Variants in CREB5 observed in about 807,000 individuals in gnomAD.
CREB5 encodes cAMP responsive element binding protein 5.
CREB5 carries 19 observed loss-of-function variants against 57.1 expected under a neutral mutation model. That is an observed-to-expected ratio of 0.33 (90% CI 0.23 to 0.49). CREB5 has a LOEUF of 0.49. Among genes scored for constraint, CREB5 ranks in the 20% least tolerant of loss-of-function variants. CREB5 has a pLI of 0.99. For missense variants in CREB5, 579 were observed against 671.6 expected (o/e 0.86, Z 1.52); for synonymous variants, 238 against 238.3 (o/e 1.00, Z 0.01).
intron 1 of CREB5, among the ~76,000 whole-genome samples, chr7:28,375,078 C>G (rs1786794241): frequency 1.3e-5 from 2 of 152,090 alleles, no homozygotes; most frequent in Admixed American, 6.5e-5. Context: ...TACTAAAACT[C>G]GTTGAACTCA....
chr7:28,435,920 T>C (rs1184555279), intron 1 of CREB5, among the ~76,000 whole-genome samples: 2 of 152,134 alleles, frequency 1.3e-5, no homozygotes, highest in African/African-American at 4.8e-5. Flanking sequence ...TACATATATT[T>C]ATATAAGAGG....
chr7:28,430,491 C>A (rs1404627991), intron 1 of CREB5, among the ~76,000 whole-genome samples: 3 of 152,162 alleles, frequency 2.0e-5, no homozygotes, highest in Non-Finnish European at 4.4e-5. Context: ...TGTGAAAACA[C>A]CACTTGGATT....
chr7:28,472,646 C>T (rs1790878505), intron 1 of CREB5, among the ~76,000 whole-genome samples: 1 of 152,166 alleles, frequency 6.6e-6, no homozygotes, highest in African/African-American at 2.4e-5. Context: ...AGCATCTGTT[C>T]TGTATCAGTC....
chr7:28,639,192 T>A (rs781505374), intron 5 of CREB5, among the ~76,000 whole-genome samples: 3 of 152,212 alleles, frequency 2.0e-5, no homozygotes, highest in Non-Finnish European at 2.9e-5. Context: ...GATAAATTTC[T>A]TGGCTTTAAT....
intron 1 of CREB5, among the ~76,000 whole-genome samples, chr7:28,300,011 C>T (rs1562646774): frequency 6.6e-6 from 1 of 152,020 alleles, no homozygotes; most frequent in Non-Finnish European, 1.5e-5. Context: ...TTGCCCTTTT[C>T]ATCCTGTTTT....
intron 9 of CREB5, among the ~76,000 whole-genome samples, chr7:28,815,753 C>A (rs1056983352): frequency 7.2e-5 from 11 of 152,116 alleles, no homozygotes; most frequent in Non-Finnish European, 1.5e-4. Context: ...GAAATGGAGA[C>A]TAAATTCAAC....
chr7:28,526,267 T>C lies in CREB5; in HGVS notation c.291+18530T>C, dbSNP rs1122646. Among the ~76,000 whole-genome samples the C allele has an allele frequency of 6.6e-3, 1,008 of 152,342 alleles. 7 individuals carry two copies. Among genetic ancestry groups the C allele is most frequent in the Middle Eastern group, 0.01 (3 of 294 alleles). Reference sequence around the variant, plus strand: ...AAAAGTCCAAGGGCTTCCCCAAAGTTTTGCTTTACAACCTAGGCAATGCAG... The same window carrying C: ...AAAAGTCCAAGGGCTTCCCCAAAGTCTTGCTTTACAACCTAGGCAATGCAG... On this transcript the variant is annotated intron_variant, in intron 4 of 10. Coordinates refer to ENST00000357727, the MANE Select transcript of CREB5 (RefSeq NM_182898.4).
At chr7:28,596,123 T>C (rs1008262) in intron 5 of CREB5, among the ~76,000 whole-genome samples, 36,492 of 152,050 alleles carry the variant, frequency 0.24, 4,631 homozygotes, top group East Asian at 0.38. Flanking sequence ...TCCTCAGTGA[T>C]GATATGGTGC....
At chr7:28,560,871 T>TGCACGTGCGTGTGTGCGCGTGTGC (rs1795123110) in intron 4 of CREB5, among the ~76,000 whole-genome samples, 1 of 38,006 alleles carries the variant, frequency 2.6e-5, no homozygotes, top group Non-Finnish European at 5.0e-5. Flanking sequence ...TGTGCCTGCG[T>TGCACGTGCGTGTGTGCGCGTGTGC]GCGCGTGCGT....
At chr7:28,457,470 A>G (rs558442317) in intron 1 of CREB5, among the ~76,000 whole-genome samples, 1 of 152,280 alleles carries the variant, frequency 6.6e-6, no homozygotes, top group African/African-American at 2.4e-5. Flanking sequence ...AGCTGACCTG[A>G]AAACAGTCTT....
At chr7:28,503,624 G>A (rs767908656) in intron 3 of CREB5, among the ~76,000 whole-genome samples, 2 of 152,130 alleles carry the variant, frequency 1.3e-5, no homozygotes, top group Non-Finnish European at 1.5e-5. Flanking sequence ...ATGAGGTCAT[G>A]AGATGGTCCA....
intron 4 of CREB5, among the ~76,000 whole-genome samples, chr7:28,508,146 CAA>C (rs35080261): frequency 6.6e-6 from 1 of 152,134 alleles, no homozygotes; most frequent in East Asian, 1.9e-4. Flanking sequence ...CATTCTGCAC[CAA>C]ATTCATAATT....
At chr7:28,516,312 A>C (rs1475273875) in intron 4 of CREB5, among the ~76,000 whole-genome samples, 1 of 152,176 alleles carries the variant, frequency 6.6e-6, no homozygotes, top group Non-Finnish European at 1.5e-5. Context: ...ATTGTTAAAA[A>C]TTAGAGAGAT....
rs578021502 is a variant in CREB5, at chr7:28,570,592, C to T, written c.464+55C>T. On this transcript the variant is annotated intron_variant, in intron 5 of 10. Coordinates refer to ENST00000357727, the MANE Select transcript of CREB5 (RefSeq NM_182898.4). ...TCCTGGCTGGAACTCAGGAAATGTCCTGGACTTCCTCCTGGTTTCTGGTGC... is the reference window on the plus strand; with the variant it reads ...TCCTGGCTGGAACTCAGGAAATGTCTTGGACTTCCTCCTGGTTTCTGGTGC... 2.5e-6 allele frequency: 4 copies of T among 1,569,086 alleles called. No homozygotes were observed. The African/African-American group carries it at 4.1e-5, about 16-fold the overall frequency.
chr7:28,633,223 A>G (rs866048790), intron 5 of CREB5, among the ~76,000 whole-genome samples: 2 of 152,216 alleles, frequency 1.3e-5, no homozygotes, highest in Non-Finnish European at 2.9e-5. Flanking sequence ...CTGGTTGGCT[A>G]TATAATATGT....
chr7:28,333,695 T>A (rs990884356), intron 1 of CREB5, among the ~76,000 whole-genome samples: 1 of 152,206 alleles, frequency 6.6e-6, no homozygotes, highest in African/African-American at 2.4e-5. Context: ...TTCCCTCAAG[T>A]TCCATCTATG....
At chr7:28,560,903 C>CGCGCGT (rs1795164691) in intron 4 of CREB5, among the ~76,000 whole-genome samples, 3 of 26,132 alleles carry the variant, frequency 1.1e-4, no homozygotes, top group Non-Finnish European at 2.4e-4. Flanking sequence ...TGTGCGTGCG[C>CGCGCGT]GCGTGCGTGT....
chr7:28,602,732 C>T (rs936703417), intron 5 of CREB5, among the ~76,000 whole-genome samples: 1 of 152,144 alleles, frequency 6.6e-6, no homozygotes, highest in Non-Finnish European at 1.5e-5. Context: ...GGAGTTGAAT[C>T]TATGGGGTAT....
chr7:28,410,072 G>A (rs1787709160), upstream of CREB5: 1 of 402,840 alleles, frequency 2.5e-6, no homozygotes, highest in Non-Finnish European at 4.9e-6. Flanking sequence ...GGGCGGGTGG[G>A]CGCGCGCGCA....
Sources: gnomAD v4.1 joint callset for allele counts (sites outside exome capture counted in the v4.1 genomes callset) on GRCh38, gnomAD v4.1.1 for gene constraint, MANE v1.5 for transcripts, NCBI Gene and HGNC (gene_info 2026-07-23, HGNC 2026-07-21) for gene names.